The following ZNF37A variants were observed in gnomAD, a reference collection of about 807,000 sequenced individuals.
The protein encoded by ZNF37A is zinc finger protein 37a (KOX 21).
Under a neutral mutation model 12.3 loss-of-function variants are expected in ZNF37A, and 10 were observed. The ratio of observed to expected loss-of-function variants is 0.82; its 90% confidence interval spans 0.50 to 1.38. The LOEUF (loss-of-function observed/expected upper bound fraction) is 1.38, where lower values mean the gene tolerates loss of function less well. ZNF37A is among the 40% of genes most tolerant of loss of function. ZNF37A has a pLI of 0.00. For synonymous variants in ZNF37A, 207 were observed against 223.0 expected (o/e 0.93, Z 0.64); for missense variants, 580 against 651.2 (o/e 0.89, Z 1.19).
intron 5 of ZNF37A, among the ~76,000 whole-genome samples, chr10:38,103,554 GT>G (rs1294109295): frequency 6.6e-6 from 1 of 151,700 alleles, no homozygotes; most frequent in African/African-American, 2.4e-5. Context: ...TTGAGTACAG[GT>G]TTTATTTCTT....
intron 7 of ZNF37A, among the ~76,000 whole-genome samples, chr10:38,135,246 G>A (rs189896389): frequency 1.1e-4 from 17 of 152,238 alleles, no homozygotes; most frequent in East Asian, 3.9e-4. Flanking sequence ...TTAACTAGGC[G>A]TGGTGGTGCA....
chr10:38,142,553 A>T (rs2136084653), intron 7 of ZNF37A: 1 of 152,340 alleles, frequency 6.6e-6, no homozygotes, highest in South Asian at 2.1e-4. Context: ...CAGGTACAGG[A>T]TCATTTGGGA....
downstream of ZNF37A, among the ~76,000 whole-genome samples, chr10:38,127,359 A>G (rs1272055503): frequency 6.6e-6 from 1 of 152,146 alleles, no homozygotes; most frequent in East Asian, 1.9e-4. Context: ...CACTTTCTTC[A>G]CTGATGACAA....
At chr10:38,147,871 C>G (rs2070274425) in exon 8 of ZNF37A, 1 of 152,206 alleles carries the variant, frequency 6.6e-6, no homozygotes, top group African/African-American at 2.4e-5. Context: ...AGGCCTTTCT[C>G]TCAGTTGCTT....
At chr10:38,146,911 T>A in exon 8 of ZNF37A, 1 of 394,328 alleles carries the variant, frequency 2.5e-6, no homozygotes, top group East Asian at 3.6e-5. Flanking sequence ...ACAAACAGAG[T>A]TTGACCCACA....
intron 7 of ZNF37A, among the ~76,000 whole-genome samples, chr10:38,133,942 C>T (rs2070069288): frequency 6.6e-6 from 1 of 152,180 alleles, no homozygotes; most frequent in African/African-American, 2.4e-5. Context: ...TAGATTTGGT[C>T]TTTTCACATA....
chr10:38,138,564 T>C lies in ZNF37A; in HGVS notation c.239-8168T>C, dbSNP rs564967931. The C allele has an allele frequency of 6.6e-5, 10 of 152,310 alleles. No individual in the cohort carries two copies. In the East Asian group the frequency reaches 1.7e-3, roughly 26 times the overall value. The allele number at this position is 152,310 out of a possible 1,614,324, so 9.4% of individuals were successfully genotyped here. On this transcript the variant is annotated intron_variant, in intron 7 of 7. Coordinates refer to the ZNF37A transcript ENST00000638053. The stretch of plus-strand genomic sequence containing the variant: ...TGCATACATATATGTTTAAAACTTA[T>C]ATTGGACTAAGGTTAGAATACTTAG...
Position 38,117,939 on chromosome 10 carries a change from G to T in ZNF37A, c.788G>T (p.Arg263Ile), listed in dbSNP as rs199784003. ...SEKLVLHLQQ[R>I]THTGEKPYEC... ...AAATTAGTCCTTCATTTACAACAGA[G>T]AACACATACAGGAGAAAAACCTTAT... Residue 263 changes from arginine to isoleucine, a missense_variant, in exon 8 of 8, where the codon AGA (arginine) becomes ATA (isoleucine). Physicochemically the swap from Arg to Ile is moderately conservative, Grantham distance 97 (BLOSUM62 -3). Coordinates refer to ENST00000685332, the MANE Select transcript of ZNF37A (RefSeq NM_001324250.3). The T allele has an allele frequency of 3.5e-4, 558 of 1,613,834 alleles. No homozygotes were observed. The highest frequency in any genetic ancestry group is 6.8e-4 in the Admixed American group (41 of 59,958).
In ZNF37A at chr10:38,094,979, G is replaced by C. The variant is rs1051433050; in HGVS notation, c.-443G>C. The C allele has an allele frequency of 6.6e-6, 1 of 152,442 alleles. No individual in the cohort carries two copies. Among genetic ancestry groups the C allele is most frequent in the Non-Finnish European group, 1.5e-5 (1 of 68,210 alleles). 9.4% of individuals were successfully genotyped at this position (152,442 alleles called of 1,614,324 possible). A position where few individuals can be genotyped will look rare whatever the true frequency, so the allele number is the denominator to read the frequency against. On this transcript the variant is annotated 5_prime_UTR_variant, in exon 2 of 8. Coordinates refer to ENST00000685332, the MANE Select transcript of ZNF37A (RefSeq NM_001324250.3). ...CTTCGGGAAGTATTTTGAAGTCATC[G>C]TGGCTGTGGATTGGGGAATTTCTTG...
intron 7 of ZNF37A, chr10:38,137,437 T>G (rs1379164525): frequency 6.6e-6 from 1 of 152,262 alleles, no homozygotes; most frequent in Non-Finnish European, 1.5e-5. Flanking sequence ...AATTACTTTT[T>G]AGTCTCCAAA....
At chr10:38,094,718 CTT>C (rs2067005489) in intron 1 of ZNF37A, among the ~76,000 whole-genome samples, 1 of 152,264 alleles carries the variant, frequency 6.6e-6, no homozygotes, top group Non-Finnish European at 1.5e-5. Context: ...AGAAACGGGC[CTT>C]CTGCCCAATA....
At chr10:38,149,133 A>C (rs1023642420) in exon 8 of ZNF37A, 1 of 152,084 alleles carries the variant, frequency 6.6e-6, no homozygotes, top group East Asian at 1.9e-4. Flanking sequence ...CCACCACACC[A>C]AGCCATATTT....
rs2069585946 is a variant in ZNF37A, at chr10:38,119,810, A to C, written c.*973A>C. 1 of 152,198 alleles carries C rather than the reference A, an allele frequency of 6.6e-6. No homozygotes were observed. Among genetic ancestry groups the C allele is most frequent in the Non-Finnish European group, 1.5e-5 (1 of 68,040 alleles). The allele number at this position is 152,198 out of a possible 1,614,324, so 9.4% of individuals were successfully genotyped here. ...AGAAGAAAGAGAAAGACCATCAATC[A>C]GGGGCCATAGTACAGGAGCCCACCA... is the stretch of plus-strand genomic sequence containing the variant. On this transcript the variant is annotated 3_prime_UTR_variant, in exon 8 of 8. Transcript: ENST00000685332.
At chr10:38,130,181 C>A (rs2070002705), downstream of ZNF37A, among the ~76,000 whole-genome samples, 1 of 152,148 alleles carries the variant, frequency 6.6e-6, no homozygotes, top group Non-Finnish European at 1.5e-5. Context: ...ATTTTCATGG[C>A]CCATCCATGT....
At chr10:38,146,484 C>T (rs1472431387) in intron 7 of ZNF37A, among the ~76,000 whole-genome samples, 1 of 152,078 alleles carries the variant, frequency 6.6e-6, no homozygotes, top group Admixed American at 6.6e-5. Flanking sequence ...ATTAAGCCCT[C>T]ATATTTTATT....
Position 38,117,489 on chromosome 10 carries a change from C to G in ZNF37A, c.338C>G (p.Ser113Cys), listed in dbSNP as rs766014274. Residue 113 changes from serine (S) to cysteine (C), a missense_variant, in exon 8 of 8, where the codon TCT becomes TGT. Transcript: ENST00000685332. The part of the protein sequence containing the change: ...FCDEKHEIIH[S>C]EEEPSEYNKN... ...GATGAAAAGCATGAAATAATTCATT[C>G]TGAAGAGGAACCTTCTGAATATAAT... 52 of 1,612,490 alleles carry G rather than the reference C, an allele frequency of 3.2e-5. No homozygotes were observed. The highest frequency in any genetic ancestry group is 4.1e-5 in the Non-Finnish European group (48 of 1,179,640).
At chr10:38,095,991 C>T (rs1253318303) in intron 4 of ZNF37A, among the ~76,000 whole-genome samples, 187 bp downstream of exon 4, 1 of 152,042 alleles carries the variant, frequency 6.6e-6, no homozygotes, top group Non-Finnish European at 1.5e-5. Flanking sequence ...TCGAGACCAG[C>T]CTGGCCAACA....
At chr10:38,115,084 TGTGTGTGTG>T (rs2069145142) in intron 6 of ZNF37A, 102 bp from the exon 7 acceptor site, 1 of 808,270 alleles carries the variant, frequency 1.2e-6, no homozygotes, top group Non-Finnish European at 1.9e-6. Flanking sequence ...TGTGTGTGTG[TGTGTGTGTG>T]TGTGTGTGTG....
chr10:38,102,671 A>T (rs1481021662), intron 5 of ZNF37A, among the ~76,000 whole-genome samples: 1 of 152,142 alleles, frequency 6.6e-6, no homozygotes, highest in Non-Finnish European at 1.5e-5. Flanking sequence ...TTTGGATTGG[A>T]GTTACTGTCT....
Sources: allele counts gnomAD v4.1 joint callset (sites outside exome capture counted in the v4.1 genomes callset), GRCh38; gene constraint gnomAD v4.1.1; transcripts MANE v1.5; gene names NCBI Gene and HGNC (gene_info 2026-07-23, HGNC 2026-07-21).